Variants in ATP6V1D observed in about 807,000 individuals in gnomAD.
ATP6V1D encodes the protein V-type proton ATPase subunit D.
ATP6V1D carries 20 observed loss-of-function variants against 39.4 expected under a neutral mutation model. The ratio of observed to expected loss-of-function variants is 0.51; its 90% CI spans 0.36 to 0.74. The LOEUF (loss-of-function observed/expected upper bound fraction) is 0.74. ATP6V1D is among the 30% of genes least tolerant of loss of function. The probability of loss-of-function intolerance (pLI) is 0.00; values close to 1 mark genes in which losing one functional copy is unlikely to be tolerated. For missense variants in ATP6V1D, 228 were observed against 291.6 expected (o/e 0.78, Z 1.59); for synonymous variants, 100 against 100.5 (o/e 0.99, Z 0.03).
At chr14:67,353,479 TTTG>T (rs375450609) in intron 1 of ATP6V1D, among the ~76,000 whole-genome samples, 21 of 151,716 alleles carry the variant, frequency 1.4e-4, no homozygotes, top group African/African-American at 3.9e-4. Context: ...CAAGACTCCT[TTTG>T]TTGTTGTTGT....
intron 6 of ATP6V1D, among the ~76,000 whole-genome samples, chr14:67,343,699 T>C (rs1189047033): frequency 1.3e-5 from 2 of 152,192 alleles, no homozygotes; most frequent in African/African-American, 2.4e-5. Flanking sequence ...ACCTTGCCTC[T>C]ACAAGAAATA....
At chr14:67,344,050 A>G (rs990131602) in intron 6 of ATP6V1D, among the ~76,000 whole-genome samples, 1 of 152,226 alleles carries the variant, frequency 6.6e-6, no homozygotes, top group African/African-American at 2.4e-5. Context: ...GACTGCTGAC[A>G]TACTGATTAA....
intron 7 of ATP6V1D, among the ~76,000 whole-genome samples, chr14:67,341,391 C>T (rs1329270615): frequency 4.0e-5 from 6 of 151,004 alleles, no homozygotes; most frequent in African/African-American, 9.8e-5. Context: ...GGAGCCCCTC[C>T]GCCCGGCAGC....
intron 8 of ATP6V1D, among the ~76,000 whole-genome samples, chr14:67,339,109 C>T (rs2085560673): frequency 6.6e-6 from 1 of 151,102 alleles, no homozygotes; most frequent in South Asian, 2.1e-4. Context: ...CAATTCCTTG[C>T]CTCAGCCTCC....
chr14:67,358,118 T>A (rs551081807), intron 1 of ATP6V1D, among the ~76,000 whole-genome samples: 225 of 152,112 alleles, frequency 1.5e-3, no homozygotes, highest in African/African-American at 5.2e-3. Flanking sequence ...GGGGGCGGCC[T>A]GGGGTCACCC....
Position 67,338,824 on chromosome 14 carries a change from T to G in ATP6V1D, c.603-62A>C, listed in dbSNP as rs925685221. ...TGTTTCAATATTAAGTAGATTTGATTTCTTTGAGTTTTGTAACAAGGATAA... is the reference window on the plus strand; with the variant it reads ...TGTTTCAATATTAAGTAGATTTGATGTCTTTGAGTTTTGTAACAAGGATAA... On this transcript the variant is annotated intron_variant, in intron 8 of 8. Coordinates refer to ENST00000216442, the MANE Select transcript of ATP6V1D (RefSeq NM_015994.4). 1.2e-5 allele frequency: 17 copies of G among 1,458,946 alleles called. No homozygotes were observed. The Admixed American group carries it at 1.7e-4, about 15-fold the overall frequency. 90.4% of individuals were successfully genotyped at this position (1,458,946 alleles called of 1,614,324 possible).
At chr14:67,339,948 A>G (rs2085567142) in intron 8 of ATP6V1D, 1 of 152,624 alleles carries the variant, frequency 6.6e-6, no homozygotes, top group Admixed American at 6.5e-5. Context: ...AAAAGTACAA[A>G]AAAATTATCC....
intron 1 of ATP6V1D, among the ~76,000 whole-genome samples, chr14:67,355,453 A>AC (rs2085679313): frequency 1.0e-5 from 1 of 98,920 alleles, no homozygotes; most frequent in Non-Finnish European, 1.8e-5. Flanking sequence ...CTGTCTCAAA[A>AC]AAAAAAAAAA....
chr14:67,350,790 G>T, intron 2 of ATP6V1D, 100 bp from the exon 3 acceptor site: 1 of 1,116,402 alleles, frequency 9.0e-7, no homozygotes, highest in East Asian at 2.6e-5. Flanking sequence ...ATTTTATGCT[G>T]GCTGTGCATG....
Position 67,345,888 on chromosome 14 carries a change from G to A in ATP6V1D, c.353-17C>T, listed in dbSNP as rs1273203878. 4 of 1,536,192 alleles carry A rather than the reference G, an allele frequency of 2.6e-6. No homozygotes were observed. The highest frequency in any genetic ancestry group is 3.6e-6 in the Non-Finnish European group (4 of 1,113,964). On this transcript the variant is annotated splice_polypyrimidine_tract_variant and intron_variant, in intron 5 of 8. Coordinates refer to ENST00000216442, the MANE Select transcript of ATP6V1D (RefSeq NM_015994.4). ...GTTCATAACCTGAAAGGACCAGTCA[G>A]ACAACATTTTTAATTAGAGTAAAAT...
At chr14:67,342,649 T>C (rs895911570) in intron 7 of ATP6V1D, among the ~76,000 whole-genome samples, 6 of 150,876 alleles carry the variant, frequency 4.0e-5, no homozygotes, top group African/African-American at 1.5e-4. Flanking sequence ...TGAGGTAACT[T>C]TCTCACTAAC....
chr14:67,349,915 A>G (rs760969463), intron 3 of ATP6V1D, among the ~76,000 whole-genome samples: 11 of 152,216 alleles, frequency 7.2e-5, no homozygotes, highest in Non-Finnish European at 1.5e-4. Flanking sequence ...GATAATAGGC[A>G]TCATGTCATT....
rs1319204655 is a variant in ATP6V1D, at chr14:67,338,349, TG to T, written c.*271del. 4 of 320,742 alleles carry T rather than the reference TG, an allele frequency of 1.2e-5. No individual in the cohort carries two copies. Among genetic ancestry groups the T allele is most frequent in the Non-Finnish European group, 2.3e-5 (4 of 175,724 alleles). 19.9% of individuals were successfully genotyped at this position (320,742 alleles called of 1,614,324 possible). A position where few individuals can be genotyped will look rare whatever the true frequency, so the allele number is the denominator to read the frequency against. On this transcript the variant is annotated 3_prime_UTR_variant, in exon 9 of 9. Coordinates refer to ENST00000216442, the MANE Select transcript of ATP6V1D (RefSeq NM_015994.4). ...TAATATGCTTGGTAAGCAGATCACG[TG>T]TAACACAGATGTAAATGGAGTATGA... is the stretch of plus-strand genomic sequence containing the variant.
chr14:67,350,489 TTATTA>T, intron 3 of ATP6V1D, 117 bp downstream of exon 3: 1 of 741,970 alleles, frequency 1.3e-6, no homozygotes, highest in East Asian at 2.9e-5. Context: ...GAATTCTTTC[TTATTA>T]TTACTATATC....
chr14:67,341,042 C>T (rs377455328), intron 7 of ATP6V1D, among the ~76,000 whole-genome samples: 1 of 152,154 alleles, frequency 6.6e-6, no homozygotes, highest in South Asian at 2.1e-4. Context: ...ACCTCCCAGC[C>T]GCCTGCCTTG....
chr14:67,351,397 CATA>C (rs1358456478), intron 2 of ATP6V1D, among the ~76,000 whole-genome samples: 1 of 152,148 alleles, frequency 6.6e-6, no homozygotes, highest in Non-Finnish European at 1.5e-5. Flanking sequence ...GAAAATGTGG[CATA>C]ATATTTTCTT....
At chr14:67,341,286 G>A (rs1469356204) in intron 7 of ATP6V1D, among the ~76,000 whole-genome samples, 10 of 150,858 alleles carry the variant, frequency 6.6e-5, no homozygotes, top group Non-Finnish European at 1.2e-4. Context: ...CTGCCCCACC[G>A]CCCCTTCTGG....
intron 7 of ATP6V1D, 152 bp from the exon 8 acceptor site, chr14:67,340,670 T>C (rs2085573641): frequency 1.4e-5 from 9 of 662,548 alleles, no homozygotes; most frequent in Non-Finnish European, 1.8e-5. Flanking sequence ...ACAAAGAAGC[T>C]CTTCCTCTCC....
At chr14:67,347,511 TTTTTTC>T (rs2085627734) in intron 4 of ATP6V1D, 58 bp from the exon 5 acceptor site, 10 of 1,482,480 alleles carry the variant, frequency 6.7e-6, no homozygotes, top group African/African-American at 4.4e-5. Context: ...TCTTTTTTTT[TTTTTTC>T]TGAGACGGAG....
Sources: allele counts gnomAD v4.1 joint callset (sites outside exome capture counted in the v4.1 genomes callset), GRCh38; gene constraint gnomAD v4.1.1; transcripts MANE v1.5; gene names NCBI Gene and HGNC (gene_info 2026-07-23, HGNC 2026-07-21).